Variants in GPHN observed in about 807,000 individuals in gnomAD.
GPHN encodes the protein gephyrin.
In GPHN, 17 loss-of-function variants were observed where a neutral mutation model predicts 95.5. That is an observed-to-expected ratio of 0.18 (90% confidence interval 0.12 to 0.27). The LOEUF (loss-of-function observed/expected upper bound fraction) is 0.27, where lower values mean the gene tolerates loss of function less well. Ranked by LOEUF, GPHN falls within the 10% of genes least tolerant of loss-of-function variation. The pLI, the probability that GPHN is intolerant of heterozygous loss-of-function variation, is 1.00. For synonymous variants in GPHN, 320 were observed against 322.5 expected (o/e 0.99, Z 0.08); for missense variants, 660 against 978.1 (o/e 0.67, Z 4.34).
intron 1 of GPHN, among the ~76,000 whole-genome samples, chr14:66,645,494 C>T (rs1045900678): frequency 1.3e-5 from 2 of 151,818 alleles, no homozygotes; most frequent in South Asian, 4.2e-4. Flanking sequence ...CAAGACCAGC[C>T]TGGCCAACAA....
At chr14:66,685,424 CT>C (rs1350178058) in intron 2 of GPHN, among the ~76,000 whole-genome samples, 1 of 152,178 alleles carries the variant, frequency 6.6e-6, no homozygotes. Context: ...TATTTCCTGA[CT>C]TTTTAATGAT....
chr14:67,547,704 T>C, the GPHN span, among the ~76,000 whole-genome samples: 859 of 152,350 alleles, frequency 5.6e-3, 3 homozygotes, highest in Middle Eastern at 0.014. Context: ...CAGACCTGCC[T>C]GTGGGCTGCG....
At chr14:67,049,121 T>C (rs970220343) in intron 10 of GPHN, among the ~76,000 whole-genome samples, 3 of 152,182 alleles carry the variant, frequency 2.0e-5, no homozygotes, top group Non-Finnish European at 4.4e-5. Flanking sequence ...TTCTCAATTT[T>C]TTTTTCTCTT....
intron 1 of GPHN, among the ~76,000 whole-genome samples, chr14:66,609,683 T>C (rs2140923673): frequency 6.6e-6 from 1 of 152,272 alleles, no homozygotes; most frequent in Admixed American, 6.5e-5. Context: ...ACTAAACTGG[T>C]CTTCAAGCTC....
Position 67,152,224 on chromosome 14 carries a change from G to A in GPHN, c.1837-7191G>A, listed in dbSNP as rs115626242. 1.6e-3 allele frequency among the ~76,000 whole-genome samples: 241 copies of A among 152,160 alleles called. 1 individual carries two copies. The highest frequency in any genetic ancestry group is 5.7e-3 in the African/African-American group (235 of 41,506). ...TATTACCACTTCGTGTATAGCATAAGAATCTTACAATGATATACTTCTGTT... is the reference window on the plus strand; with the variant it reads ...TATTACCACTTCGTGTATAGCATAAAAATCTTACAATGATATACTTCTGTT... On this transcript the variant is annotated intron_variant, in intron 18 of 22. Coordinates refer to ENST00000478722, the MANE Select transcript of GPHN (RefSeq NM_020806.5).
chr14:66,623,995 G>A (rs79300816), intron 1 of GPHN, among the ~76,000 whole-genome samples: 1,846 of 152,188 alleles, frequency 0.012, 22 homozygotes, highest in Non-Finnish European at 0.018. Context: ...ACCCTGGAGC[G>A]AGCAGCCAAA....
the GPHN span, among the ~76,000 whole-genome samples, chr14:67,395,000 C>A: frequency 1.3e-5 from 2 of 152,146 alleles, no homozygotes; most frequent in African/African-American, 4.8e-5. Flanking sequence ...TTGGACTTCC[C>A]AGCCTCTATA....
intron 19 of GPHN, among the ~76,000 whole-genome samples, chr14:67,164,200 G>A (rs1423538377): frequency 3.3e-5 from 5 of 150,080 alleles, no homozygotes; most frequent in Non-Finnish European, 7.4e-5. Flanking sequence ...CCCGGGAGGC[G>A]GGGGTTGCCG....
chr14:67,481,057 G>A, the GPHN span, among the ~76,000 whole-genome samples: 1 of 152,178 alleles, frequency 6.6e-6, no homozygotes, highest in Admixed American at 6.5e-5. Context: ...TTTGGAGGCT[G>A]AGGTGGGAGA....
the GPHN span, among the ~76,000 whole-genome samples, chr14:67,396,170 C>T: frequency 5.3e-5 from 8 of 151,466 alleles, no homozygotes; most frequent in Admixed American, 3.3e-4. Flanking sequence ...TTTCTTGAGA[C>T]GGAGTCTTGC....
At chr14:66,708,478 A>C (rs1190941925) in intron 2 of GPHN, among the ~76,000 whole-genome samples, 1 of 152,190 alleles carries the variant, frequency 6.6e-6, no homozygotes, top group Non-Finnish European at 1.5e-5. Context: ...TGTATTTCAC[A>C]AGAATTGAGC....
the GPHN span, chr14:67,577,985 A>G: frequency 6.3e-7 from 1 of 1,588,032 alleles, no homozygotes; most frequent in South Asian, 1.1e-5. Context: ...AACCCAGGGG[A>G]TGCTGGTCTG....
the GPHN span, chr14:67,269,588 T>G: frequency 6.6e-6 from 1 of 152,572 alleles, no homozygotes; most frequent in Non-Finnish European, 1.5e-5. Context: ...ATCCTAGCTA[T>G]CTGCAGACAG....
intron 2 of GPHN, among the ~76,000 whole-genome samples, chr14:66,758,961 T>A (rs2058667393): frequency 6.6e-6 from 1 of 152,208 alleles, no homozygotes; most frequent in Admixed American, 6.5e-5. Flanking sequence ...TTTTGAAACA[T>A]AATTTTTCTC....
chr14:67,634,939 T>C, the GPHN span, among the ~76,000 whole-genome samples: 1 of 152,206 alleles, frequency 6.6e-6, no homozygotes, highest in Non-Finnish European at 1.5e-5. Flanking sequence ...CTGGGACAGA[T>C]ATCTCAAGAC....
At chr14:67,604,724 A>G in the GPHN span, among the ~76,000 whole-genome samples, 1 of 151,832 alleles carries the variant, frequency 6.6e-6, no homozygotes, top group African/African-American at 2.4e-5. Context: ...AACAACAACA[A>G]AAAAAACTTT....
chr14:66,897,126 C>T (rs951704962), intron 5 of GPHN, among the ~76,000 whole-genome samples: 4 of 151,786 alleles, frequency 2.6e-5, no homozygotes, highest in African/African-American at 9.7e-5. Flanking sequence ...TCCTGTGTAC[C>T]CTTTACTAGT....
At chr14:67,063,553 C>T (rs1177078302) in intron 11 of GPHN, among the ~76,000 whole-genome samples, 1 of 152,118 alleles carries the variant, frequency 6.6e-6, no homozygotes, top group Non-Finnish European at 1.5e-5. Flanking sequence ...ATTGATTCTT[C>T]TATCCATGAG....
At chr14:67,602,107 G>A in the GPHN span, among the ~76,000 whole-genome samples, 1 of 152,114 alleles carries the variant, frequency 6.6e-6, no homozygotes, top group African/African-American at 2.4e-5. Context: ...AGAACTACCT[G>A]AGACTCGGTA....
Sources: gnomAD v4.1 joint callset for allele counts (sites outside exome capture counted in the v4.1 genomes callset) on GRCh38, gnomAD v4.1.1 for gene constraint, MANE v1.5 for transcripts, NCBI Gene and HGNC (gene_info 2026-07-23, HGNC 2026-07-21) for gene names.